The following ADK variants were observed in gnomAD, a reference collection of about 807,000 sequenced individuals.
The protein encoded by ADK is adenosine kinase.
ADK carries 24 observed loss-of-function variants against 44.7 expected under a neutral mutation model. The observed-to-expected ratio is 0.54, with a 90% CI of 0.39 to 0.76. The LOEUF (loss-of-function observed/expected upper bound fraction) is 0.76, where lower values mean the gene tolerates loss of function less well. Ranked by LOEUF, ADK falls within the 30% of genes least tolerant of loss-of-function variation. The probability of loss-of-function intolerance (pLI) is 0.00; values close to 1 mark genes in which losing one functional copy is unlikely to be tolerated. For missense variants in ADK, 321 were observed against 425.1 expected, an observed-to-expected ratio of 0.76 and a Z score of 2.15; for synonymous variants, 128 against 142.6, an observed-to-expected ratio of 0.90 and a Z score of 0.73.
chr10:74,302,090 G>GGTTTTTTTTTTTTT (rs1840055915), intron 3 of ADK, among the ~76,000 whole-genome samples: 2 of 17,032 alleles, frequency 1.2e-4, no homozygotes, highest in African/African-American at 5.1e-4. Context: ...TTTCTTTTCT[G>GGTTTTTTTTTTTTT]TTTTTTTTTT....
chr10:74,638,315 G>C (rs535827193), intron 9 of ADK, among the ~76,000 whole-genome samples: 4 of 152,186 alleles, frequency 2.6e-5, no homozygotes, highest in African/African-American at 9.6e-5. Flanking sequence ...TATTGCGAGA[G>C]ATGCAGAAAG....
At chr10:74,703,375 G>A (rs188835573) in intron 10 of ADK, among the ~76,000 whole-genome samples, 1 of 152,092 alleles carries the variant, frequency 6.6e-6, no homozygotes, top group East Asian at 1.9e-4. Context: ...CCAGCTACCC[G>A]GGAGGCAGAG....
chr10:74,284,425 C>T lies in ADK; in HGVS notation c.195-30242C>T, dbSNP rs146113931. Among the ~76,000 whole-genome samples, 734 of 152,172 alleles carry T rather than the reference C, an allele frequency of 4.8e-3. 19 individuals carry two copies. The highest frequency in any genetic ancestry group is 0.036 in the Admixed American group (556 of 15,284). On this transcript the variant is annotated intron_variant, in intron 3 of 10. Transcript: ENST00000539909. ...GATTACAGACGTGTGTCACCATGCCCGGCTAATTTTGTATTTTTAGTAGAG... is the reference window on the plus strand; with the variant it reads ...GATTACAGACGTGTGTCACCATGCCTGGCTAATTTTGTATTTTTAGTAGAG...
chr10:74,655,154 G>T, intron 9 of ADK: 1 of 302,604 alleles, frequency 3.3e-6, no homozygotes, highest in Non-Finnish European at 6.5e-6. Flanking sequence ...AATATCATCA[G>T]TCAGAAGAAC....
chr10:74,613,736 G>T (rs903036273), intron 9 of ADK, among the ~76,000 whole-genome samples: 32 of 152,218 alleles, frequency 2.1e-4, no homozygotes, highest in African/African-American at 7.5e-4. Context: ...TTCAGAAAAT[G>T]TGCGTTAGAA....
At chr10:74,398,835 C>T (rs1427109581) in intron 6 of ADK, among the ~76,000 whole-genome samples, 5 of 151,984 alleles carry the variant, frequency 3.3e-5, no homozygotes, top group African/African-American at 7.2e-5. Context: ...GCCAACCAAG[C>T]GCAGAATTCT....
In ADK at chr10:74,528,165, G is replaced by A. The variant is rs937089460; in HGVS notation, c.726+2739G>A. 9 of 959,400 alleles carry A rather than the reference G, an allele frequency of 9.4e-6. No individual in the cohort carries two copies. In the African/African-American group the frequency reaches 1.3e-4, roughly 14 times the overall value. The allele number at this position is 959,400 out of a possible 1,614,324, so 59.4% of individuals were successfully genotyped here. ...AAAGTATAGATCAGAAGTTTCACTT[G>A]TTTCTCAGTTATTGAATATGTATCT... On this transcript the variant is annotated intron_variant, in intron 7 of 10. Coordinates refer to ENST00000539909, the MANE Select transcript of ADK (RefSeq NM_006721.4).
In ADK at chr10:74,618,536, G is replaced by T. The variant is rs147317685; in HGVS notation, c.877+18043G>T. Among the ~76,000 whole-genome samples the T allele has an allele frequency of 9.2e-5, 14 of 152,136 alleles. No homozygotes were observed. The East Asian group carries it at 2.5e-3, about 27-fold the overall frequency. On this transcript the variant is annotated intron_variant, in intron 9 of 10. Coordinates refer to ENST00000539909, the MANE Select transcript of ADK (RefSeq NM_006721.4). Reference sequence around the variant, plus strand: ...ACTCCTGACTTCAAGTGATCCGCCCGCCTCGGCCTCCCAAAGTGCTGGGAT... The same window carrying T: ...ACTCCTGACTTCAAGTGATCCGCCCTCCTCGGCCTCCCAAAGTGCTGGGAT...
intron 3 of ADK, among the ~76,000 whole-genome samples, chr10:74,286,906 C>T (rs555216761): frequency 6.8e-4 from 104 of 152,186 alleles, no homozygotes; most frequent in African/African-American, 2.4e-3. Flanking sequence ...AGGCTTGTCT[C>T]GAACCCCTGG....
At chr10:74,163,070 C>T (rs1432857425) in intron 1 of ADK, among the ~76,000 whole-genome samples, 1 of 151,980 alleles carries the variant, frequency 6.6e-6, no homozygotes, top group Non-Finnish European at 1.5e-5. Context: ...CGGGTTCAAG[C>T]GATTCTCCTG....
Position 74,203,017 on chromosome 10 carries a change from A to G in ADK, c.140+2179A>G, listed in dbSNP as rs148749974. Among the ~76,000 whole-genome samples, 603 of 152,298 alleles carry G rather than the reference A, an allele frequency of 4.0e-3. 8 individuals carry two copies. The highest frequency in any genetic ancestry group is 0.013 in the African/African-American group (531 of 41,562). On this transcript the variant is annotated intron_variant, in intron 2 of 10. Transcript: ENST00000539909. ...CTTTTGCTGTCATATGTAAGAATCT[A>G]TTGTTAAATCCAGGATCACAAAGAT...
chr10:74,344,343 C>T (rs2064113825), intron 4 of ADK, among the ~76,000 whole-genome samples: 1 of 152,158 alleles, frequency 6.6e-6, no homozygotes, highest in African/African-American at 2.4e-5. Context: ...AATGTTGCAC[C>T]TTATTATTTC....
intron 6 of ADK, among the ~76,000 whole-genome samples, chr10:74,461,585 C>T (rs1846174038): frequency 6.6e-6 from 1 of 152,014 alleles, no homozygotes; most frequent in African/African-American, 2.4e-5. Flanking sequence ...GAGCTTTCCA[C>T]ATAGTAGATA....
chr10:74,469,372 T>A (rs1189789380), intron 6 of ADK, among the ~76,000 whole-genome samples: 1 of 152,116 alleles, frequency 6.6e-6, no homozygotes, highest in Non-Finnish European at 1.5e-5. Context: ...TTTAATTTAT[T>A]TTTTAGAGAT....
At chr10:74,302,514 T>C (rs1840094787) in intron 3 of ADK, among the ~76,000 whole-genome samples, 1 of 151,984 alleles carries the variant, frequency 6.6e-6, no homozygotes. Flanking sequence ...TATTCCAGGC[T>C]GGGCACAGTG....
intron 2 of ADK, among the ~76,000 whole-genome samples, chr10:74,216,831 C>G (rs1056127109): frequency 6.6e-6 from 1 of 152,066 alleles, no homozygotes; most frequent in African/African-American, 2.4e-5. Context: ...TGTATAGTTT[C>G]ATTCACAATA....
In ADK at chr10:74,618,641, A is replaced by G. The variant is rs140715447; in HGVS notation, c.877+18148A>G. Among the ~76,000 whole-genome samples the G allele has an allele frequency of 6.1e-4, 93 of 152,228 alleles. 2 individuals are homozygous for G. Among genetic ancestry groups the G allele is most frequent in the African/African-American group, 2.0e-3 (85 of 41,552 alleles). ...AGTTTCCTTTTGCCTTTCAATGTGTATAGTTCTCTATGTTGGGAGTTATAC... is the reference window on the plus strand; with the variant it reads ...AGTTTCCTTTTGCCTTTCAATGTGTGTAGTTCTCTATGTTGGGAGTTATAC... On this transcript the variant is annotated intron_variant, in intron 9 of 10. Coordinates refer to ENST00000539909, the MANE Select transcript of ADK (RefSeq NM_006721.4).
intron 3 of ADK, among the ~76,000 whole-genome samples, chr10:74,241,161 G>T (rs991468502): frequency 6.6e-6 from 1 of 152,114 alleles, no homozygotes; most frequent in African/African-American, 2.4e-5. Flanking sequence ...TTCAGCATAC[G>T]GTGTAATATC....
intron 3 of ADK, among the ~76,000 whole-genome samples, chr10:74,233,334 G>T (rs1163228241): frequency 6.6e-6 from 1 of 152,156 alleles, no homozygotes; most frequent in East Asian, 1.9e-4. Flanking sequence ...CGTGTGTTGT[G>T]GGCTCTTTGC....
Sources: gnomAD v4.1 joint callset for allele counts (sites outside exome capture counted in the v4.1 genomes callset) on GRCh38, gnomAD v4.1.1 for gene constraint, MANE v1.5 for transcripts, NCBI Gene and HGNC (gene_info 2026-07-23, HGNC 2026-07-21) for gene names.